Variants in CLPB observed in about 807,000 individuals in gnomAD.
CLPB encodes the protein ClpB family mitochondrial disaggregase, also known as mitochondrial disaggregase.
Under a neutral mutation model 78.4 loss-of-function variants are expected in CLPB, and 40 were observed. The observed-to-expected ratio is 0.51, with a 90% CI of 0.40 to 0.66. The LOEUF (loss-of-function observed/expected upper bound fraction) is 0.66, where lower values mean the gene tolerates loss of function less well. Ranked by LOEUF, CLPB falls within the 30% of genes least tolerant of loss-of-function variation. The pLI, the probability that CLPB is intolerant of heterozygous loss-of-function variation, is 0.00. For synonymous variants in CLPB, 333 were observed against 348.0 expected (o/e 0.96, Z 0.48); for missense variants, 780 against 886.9 (o/e 0.88, Z 1.53).
At chr11:72,323,028 T>C (rs1298880940) in intron 6 of CLPB, among the ~76,000 whole-genome samples, 1 of 152,196 alleles carries the variant, frequency 6.6e-6, no homozygotes, top group African/African-American at 2.4e-5. Context: ...ACCGTCCACC[T>C]GGAGATAAGG....
intron 3 of CLPB, among the ~76,000 whole-genome samples, chr11:72,384,560 C>T (rs954789876): frequency 1.3e-5 from 2 of 152,084 alleles, no homozygotes; most frequent in Non-Finnish European, 1.5e-5. Flanking sequence ...AACAACAAAA[C>T]GTCAGAAGTT....
chr11:72,398,584 C>T (rs1855475098), intron 3 of CLPB, among the ~76,000 whole-genome samples: 1 of 152,046 alleles, frequency 6.6e-6, no homozygotes, highest in Admixed American at 6.6e-5. Context: ...TTGAATTTAG[C>T]TGAAGGCTGT....
rs143990346 is a variant in CLPB, at chr11:72,397,695, A to G, written c.542+5271T>C. Among the ~76,000 whole-genome samples the G allele has an allele frequency of 6.0e-3, 910 of 152,110 alleles. 13 individuals are homozygous for G. The highest frequency in any genetic ancestry group is 0.021 in the African/African-American group (871 of 41,504). ...TATTTTGCCCATTTAAAAAAATTAG[A>G]TTTTTTTTATTATTGATTTGTAAGA... On this transcript the variant is annotated intron_variant, in intron 3 of 15. Coordinates refer to ENST00000538039, the MANE Select transcript of CLPB (RefSeq NM_001258392.3).
chr11:72,299,235 TG>T (rs1949611469), intron 11 of CLPB, among the ~76,000 whole-genome samples: 1 of 152,248 alleles, frequency 6.6e-6, no homozygotes. Context: ...CCTCCCCAGC[TG>T]TAGCTTGGGC....
At chr11:72,367,543 AACAATGGGTACTCATGGACATGAGT>A (rs2135641406) in intron 4 of CLPB, among the ~76,000 whole-genome samples, 2 of 152,250 alleles carry the variant, frequency 1.3e-5, no homozygotes, top group East Asian at 3.9e-4. Context: ...GTGGAAGCTA[AACAATGGGTACTCATGGACATGAGT>A]ACCCTGTTGG....
intron 5 of CLPB, among the ~76,000 whole-genome samples, chr11:72,353,540 A>G (rs1443661239): frequency 6.6e-6 from 1 of 152,254 alleles, no homozygotes; most frequent in Non-Finnish European, 1.5e-5. Flanking sequence ...GAAAACCTAC[A>G]GTGGTTTTGG....
At position 72,434,213 on chromosome 11, in the gene CLPB, A is replaced by T. The variant is rs1565108139; in HGVS notation, c.262T>A (p.Trp88Arg). The T allele has an allele frequency of 6.2e-7, 1 of 1,613,530 alleles. No individual in the cohort carries two copies. Among genetic ancestry groups the T allele is most frequent in the Admixed American group, 1.7e-5 (1 of 60,016 alleles). Residue 88 changes from tryptophan to arginine, a missense_variant, in exon 1 of 16, where the codon TGG becomes AGG. Trp to Arg is a moderately radical substitution (Grantham distance 101, BLOSUM62 -3). Coordinates refer to ENST00000538039, the MANE Select transcript of CLPB (RefSeq NM_001258392.3). ...TCTTCGGGACCAGGAAGGCGTCCCC[A>T]AGTGGCAGCCGCGAGGCATTTGGTA... is the stretch of plus-strand genomic sequence containing the variant. ...FDTKCLAAAT[W>R]GRLPGPEETL...
At chr11:72,411,183 T>G (rs1855866806) in intron 2 of CLPB, among the ~76,000 whole-genome samples, 1 of 152,258 alleles carries the variant, frequency 6.6e-6, no homozygotes, top group Admixed American at 6.5e-5. Context: ...GGGGTCTGAA[T>G]GAATGAATGT....
At chr11:72,421,707 T>G (rs1045266967) in intron 2 of CLPB, among the ~76,000 whole-genome samples, 6 of 152,184 alleles carry the variant, frequency 3.9e-5, no homozygotes, top group African/African-American at 1.4e-4. Flanking sequence ...TGCCTGCCTC[T>G]GCAGGGCTTC....
chr11:72,298,009 T>TAACA (rs1288711458), intron 11 of CLPB, among the ~76,000 whole-genome samples: 1 of 147,664 alleles, frequency 6.8e-6, no homozygotes, highest in Non-Finnish European at 1.5e-5. Flanking sequence ...CACCTCCCTC[T>TAACA]AACAACCAGA....
intron 5 of CLPB, among the ~76,000 whole-genome samples, chr11:72,339,579 C>G (rs1342725283): frequency 1.3e-5 from 2 of 152,184 alleles, no homozygotes; most frequent in Non-Finnish European, 2.9e-5. Context: ...TACTTATATA[C>G]TGGTTTACAG....
intron 6 of CLPB, among the ~76,000 whole-genome samples, chr11:72,320,356 G>C (rs185655347): frequency 6.6e-6 from 1 of 152,264 alleles, no homozygotes; most frequent in Admixed American, 6.5e-5. Flanking sequence ...TGGTATTCCT[G>C]TTTATTTCTT....
intron 7 of CLPB, among the ~76,000 whole-genome samples, chr11:72,309,228 G>T (rs1340174281): frequency 6.6e-6 from 1 of 152,194 alleles, no homozygotes; most frequent in Non-Finnish European, 1.5e-5. Flanking sequence ...GCCTCCAGTG[G>T]TGGAGGGAGT....
chr11:72,434,251 C>T lies in CLPB; in HGVS notation c.224G>A (p.Gly75Glu), dbSNP rs1230919948. ...GAGGCATTTGGTATCGAAGCGTCCT[C>T]CCTGGCGCCCCCCGGTGGCTGCCCC... is the stretch of plus-strand genomic sequence containing the variant. ...GRGAATGGRQ[G>E]GRFDTKCLAA... The change falls in exon 1 of 16, where the codon GGA becomes GAA. Residue 75 changes from glycine (G) to glutamate (E), a missense_variant. By Grantham distance (98) the Gly-to-Glu change is moderately conservative (BLOSUM62 -2). Transcript: ENST00000538039. The T allele has an allele frequency of 7.4e-6, 12 of 1,613,250 alleles. No individual in the cohort carries two copies. Among genetic ancestry groups the T allele is most frequent in the Non-Finnish European group, 9.3e-6 (11 of 1,179,916 alleles).
At chr11:72,366,973 T>C (rs1206504893) in intron 4 of CLPB, among the ~76,000 whole-genome samples, 3 of 152,104 alleles carry the variant, frequency 2.0e-5, no homozygotes. Context: ...AGAATCAATC[T>C]AGGTGCCCAT....
At chr11:72,387,939 C>T (rs1855132811) in intron 3 of CLPB, among the ~76,000 whole-genome samples, 1 of 152,206 alleles carries the variant, frequency 6.6e-6, no homozygotes, top group Non-Finnish European at 1.5e-5. Flanking sequence ...CCTCCCATGG[C>T]AGGCTGTCCC....
At position 72,287,894 on chromosome 11, in the gene CLPB, T is replaced by C. The variant is rs1344645571; in HGVS notation, c.*5473A>G. ...TAATTTTTTTGGCTCCTTTCCCCTT[T>C]TATCAGGCTCAGGAGGTTTTATCTA... On this transcript the variant is annotated 3_prime_UTR_variant, in exon 16 of 16. Transcript: ENST00000538039. 1 of 152,142 alleles carries C rather than the reference T, an allele frequency of 6.6e-6. No individual in the cohort carries two copies. The highest frequency in any genetic ancestry group is 1.9e-4 in the East Asian group (1 of 5,202). 9.4% of individuals were successfully genotyped at this position (152,142 alleles called of 1,614,324 possible). A position where few individuals can be genotyped will look rare whatever the true frequency, so the allele number is the denominator to read the frequency against.
At chr11:72,332,277 G>A (rs1950241239) in intron 5 of CLPB, among the ~76,000 whole-genome samples, 3 of 150,304 alleles carry the variant, frequency 2.0e-5, no homozygotes, top group African/African-American at 7.4e-5. Context: ...GAGGCCAGGA[G>A]TTCGAGACCA....
chr11:72,345,694 C>G (rs541631394), intron 5 of CLPB, among the ~76,000 whole-genome samples: 7 of 152,170 alleles, frequency 4.6e-5, no homozygotes, highest in African/African-American at 1.7e-4. Flanking sequence ...AATCAGGATA[C>G]GTAGGGGAGA....
Sources: gnomAD v4.1 joint callset for allele counts (sites outside exome capture counted in the v4.1 genomes callset) on GRCh38, gnomAD v4.1.1 for gene constraint, MANE v1.5 for transcripts, NCBI Gene and HGNC (gene_info 2026-07-23, HGNC 2026-07-21) for gene names.